The following PSMA8 variants were observed in gnomAD, a reference collection of about 807,000 sequenced individuals.
The protein encoded by PSMA8 is proteasome subunit alpha-type 8.
In PSMA8, 18 loss-of-function variants were observed where a neutral mutation model predicts 32.4. That is an observed-to-expected ratio of 0.56 (90% CI 0.38 to 0.82). PSMA8 has a LOEUF of 0.82. Among genes scored for constraint, PSMA8 ranks in the 40% least tolerant of loss-of-function variants. The pLI is 0.00. For missense variants in PSMA8, 298 were observed against 300.7 expected (o/e 0.99, Z 0.07); for synonymous variants, 104 against 98.1 (o/e 1.06, Z -0.36).
intron 6 of PSMA8, among the ~76,000 whole-genome samples, chr18:26,190,282 A>G (rs2055391335): frequency 6.6e-6 from 1 of 152,168 alleles, no homozygotes; most frequent in South Asian, 2.1e-4. Flanking sequence ...AAGATAACTA[A>G]AAGAGTATAA....
At chr18:26,153,049 G>C (rs1479049992) in intron 3 of PSMA8, among the ~76,000 whole-genome samples, 1 of 152,114 alleles carries the variant, frequency 6.6e-6, no homozygotes, top group Non-Finnish European at 1.5e-5. Context: ...TAACTGATCA[G>C]ATATGATTTC....
chr18:26,187,865 T>C (rs1346958823), intron 6 of PSMA8, among the ~76,000 whole-genome samples: 1 of 152,182 alleles, frequency 6.6e-6, no homozygotes, highest in South Asian at 2.1e-4. Flanking sequence ...ATTTTCAGCA[T>C]TGGACAGATC....
At chr18:26,137,352 G>A (rs2054919664) in intron 1 of PSMA8, among the ~76,000 whole-genome samples, 1 of 152,138 alleles carries the variant, frequency 6.6e-6, no homozygotes, top group Non-Finnish European at 1.5e-5. Context: ...CCAGCTACTT[G>A]GGAGACTGAG....
rs145433702 is a variant in PSMA8 at position 26,137,941 on chromosome 18, A to G, written c.102+3874A>G. Among the ~76,000 whole-genome samples the G allele has an allele frequency of 2.6e-5, 4 of 152,198 alleles. No individual in the cohort carries two copies. The East Asian group carries it at 7.7e-4, about 29-fold the overall frequency. ...GAAGAAGTGGAAGGGGAAAGAGTGA[A>G]GAGTATTTTTGACAAAGGAAATAGC... On this transcript the variant is annotated intron_variant, in intron 1 of 6. Coordinates refer to ENST00000415576, the MANE Select transcript of PSMA8 (RefSeq NM_001025096.2).
chr18:26,189,349 G>A (rs1011980345), intron 6 of PSMA8, among the ~76,000 whole-genome samples: 2 of 152,068 alleles, frequency 1.3e-5, no homozygotes, highest in African/African-American at 4.8e-5. Flanking sequence ...ACAACACAGT[G>A]AGACCTTGTC....
At chr18:26,142,037 A>ATTTTT (rs71169819) in intron 1 of PSMA8, among the ~76,000 whole-genome samples, 28 of 117,572 alleles carry the variant, frequency 2.4e-4, no homozygotes, top group African/African-American at 8.3e-4. Flanking sequence ...AATAATGCTA[A>ATTTTT]TTTTTTTTTT....
intron 3 of PSMA8, among the ~76,000 whole-genome samples, chr18:26,154,793 T>A (rs183231444): frequency 2.5e-3 from 386 of 152,196 alleles, no homozygotes; most frequent in Non-Finnish European, 4.5e-3. Flanking sequence ...ATTTTTGTAT[T>A]TTCAGTAGAG....
intron 2 of PSMA8, among the ~76,000 whole-genome samples, chr18:26,147,387 G>A (rs1452495391): frequency 6.6e-6 from 1 of 151,934 alleles, no homozygotes; most frequent in East Asian, 1.9e-4. Context: ...CAAGGGAAAT[G>A]AACAGATATC....
intron 3 of PSMA8, 71 bp from the exon 4 acceptor site, chr18:26,158,051 A>G (rs1434742778): frequency 9.7e-7 from 1 of 1,029,596 alleles, no homozygotes; most frequent in African/African-American, 1.6e-5. Context: ...TTTGGGCAGC[A>G]ATGCTTTATT....
Position 26,137,530 on chromosome 18 carries a change from T to TA in PSMA8, c.102+3466dup, listed in dbSNP as rs2054921984. Among the ~76,000 whole-genome samples, 3 of 152,362 alleles carry TA rather than the reference T, an allele frequency of 2.0e-5. No individual in the cohort carries two copies. The East Asian group carries it at 5.8e-4, about 29-fold the overall frequency. ...AGGTAATAATGCATGTGAAGCATCT[T>TA]AAACAGAATCTAGTTCACAGAAAGT... On this transcript the variant is annotated intron_variant, in intron 1 of 6. Transcript: ENST00000415576.
chr18:26,191,856 C>T (rs554221067), intron 6 of PSMA8, among the ~76,000 whole-genome samples: 1 of 152,162 alleles, frequency 6.6e-6, no homozygotes, highest in Non-Finnish European at 1.5e-5. Context: ...AAAAATAAAA[C>T]CTTTTTTGCT....
chr18:26,135,698 G>T (rs1009921704), intron 1 of PSMA8, among the ~76,000 whole-genome samples: 6 of 152,188 alleles, frequency 3.9e-5, no homozygotes, highest in South Asian at 2.1e-4. Flanking sequence ...AATAAAGGGA[G>T]TAATAGGAGA....
chr18:26,168,065 GT>G (rs1481128920), intron 4 of PSMA8, among the ~76,000 whole-genome samples: 3 of 106,402 alleles, frequency 2.8e-5, no homozygotes, highest in Admixed American at 9.4e-5. Flanking sequence ...CCAAATTATT[GT>G]TTTTTTTTAG....
intron 1 of PSMA8, among the ~76,000 whole-genome samples, chr18:26,143,617 C>T (rs780543505): frequency 7.2e-5 from 11 of 152,110 alleles, no homozygotes; most frequent in African/African-American, 9.7e-5. Flanking sequence ...GTAGGAGATG[C>T]TCTTTAAAAT....
intron 2 of PSMA8, among the ~76,000 whole-genome samples, chr18:26,149,331 C>A (rs1407083502): frequency 6.7e-6 from 1 of 150,076 alleles, no homozygotes; most frequent in Non-Finnish European, 1.5e-5. Flanking sequence ...GAAAGACATC[C>A]CGCATTCATG....
chr18:26,172,328 T>C (rs2144332545), intron 4 of PSMA8, among the ~76,000 whole-genome samples: 1 of 152,368 alleles, frequency 6.6e-6, no homozygotes. Context: ...ATGTAGGCAT[T>C]GCAGTCTCTG....
At chr18:26,141,713 C>CTTTTTTTTTTTTT (rs1011733993) in intron 1 of PSMA8, among the ~76,000 whole-genome samples, 11 of 109,996 alleles carry the variant, frequency 1.0e-4, no homozygotes, top group African/African-American at 2.3e-4. Flanking sequence ...TTTCTTTTTT[C>CTTTTTTTTTTTTT]TTTTTTTTTT....
intron 6 of PSMA8, among the ~76,000 whole-genome samples, chr18:26,188,145 T>C (rs1395474633): frequency 1.3e-5 from 2 of 151,982 alleles, no homozygotes; most frequent in East Asian, 3.9e-4. Context: ...TTTTGGAAAC[T>C]ATACGAATAC....
intron 3 of PSMA8, among the ~76,000 whole-genome samples, chr18:26,154,806 G>T (rs1314061367): frequency 6.6e-6 from 1 of 152,022 alleles, no homozygotes. Flanking sequence ...CAGTAGAGAC[G>T]GAGTTTCACC....
Sources: gnomAD v4.1 joint callset for allele counts (sites outside exome capture counted in the v4.1 genomes callset) on GRCh38, gnomAD v4.1.1 for gene constraint, MANE v1.5 for transcripts, NCBI Gene and HGNC (gene_info 2026-07-23, HGNC 2026-07-21) for gene names.